STX17: variants seen among roughly 807,000 people sequenced by gnomAD.
STX17 encodes the protein syntaxin-17.
In STX17, 29 loss-of-function variants were observed where a neutral mutation model predicts 35.9. The observed-to-expected ratio is 0.81, with a 90% CI of 0.60 to 1.10. STX17 has a LOEUF of 1.10. STX17 is among the 50% of genes least tolerant of loss of function. The probability of loss-of-function intolerance (pLI) is 0.00; values close to 1 mark genes in which losing one functional copy is unlikely to be tolerated. For synonymous variants in STX17, 92 were observed against 118.3 expected (o/e 0.78, Z 1.44); for missense variants, 312 against 352.3 (o/e 0.89, Z 0.92).
chr9:99,968,456 C>T lies in STX17; in HGVS notation c.692C>T (p.Ala231Val), dbSNP rs770827074. 1 of 1,546,264 alleles carries T rather than the reference C, an allele frequency of 6.5e-7. No individual in the cohort carries two copies. Among genetic ancestry groups the T allele is most frequent in the Non-Finnish European group, 8.7e-7 (1 of 1,149,146 alleles). ...LGKAAKYKLA[A>V]LPVAGALIGG... ...CAGGCTGCAAAATACAAGCTGGCAGCTCTGCCTGTGGCAGGTGCACTCATC... is the reference window on the plus strand; with the variant it reads ...CAGGCTGCAAAATACAAGCTGGCAGTTCTGCCTGTGGCAGGTGCACTCATC... Residue 231 changes from alanine to valine, a missense_variant, in exon 8 of 8, where the codon GCT (alanine) becomes GTT (valine). Physicochemically the swap from Ala to Val is moderately conservative, Grantham distance 64. Coordinates refer to ENST00000259400, the MANE Select transcript of STX17 (RefSeq NM_017919.3).
Position 99,920,704 on chromosome 9 carries a change from A to G in STX17, c.123+5342A>G, listed in dbSNP as rs188289334. 1.3e-3 allele frequency among the ~76,000 whole-genome samples: 195 copies of G among 152,326 alleles called. 3 individuals are homozygous for G. Among genetic ancestry groups the G allele is most frequent in the Non-Finnish European group, 1.8e-4 (12 of 68,018 alleles). On this transcript the variant is annotated intron_variant, in intron 2 of 7. Transcript: ENST00000259400. ...GTAGTGCTGTTTAGCAATGCTTGTC[A>G]GGGATCTCAACTTAACTAAATTTGT...
At chr9:99,922,152 G>T (rs752459017) in intron 2 of STX17, among the ~76,000 whole-genome samples, 7 of 152,084 alleles carry the variant, frequency 4.6e-5, no homozygotes, top group African/African-American at 1.4e-4. Flanking sequence ...AGACCTTAAG[G>T]TTCATAGATT....
rs139682006 is a variant in STX17, at chr9:99,969,891, C to T, written c.*1218C>T. 1 of 152,694 alleles carries T rather than the reference C, an allele frequency of 6.5e-6. No homozygotes were observed. The highest frequency in any genetic ancestry group is 1.9e-4 in the East Asian group (1 of 5,186). 9.5% of individuals were successfully genotyped at this position (152,694 alleles called of 1,614,324 possible). ...ACAAAGACGCATGCAAGACTCAGAC[C>T]CGGGGAATGGTGTGGTGCTAATCTC... On this transcript the variant is annotated 3_prime_UTR_variant, in exon 8 of 8. Coordinates refer to ENST00000259400, the MANE Select transcript of STX17 (RefSeq NM_017919.3).
intron 6 of STX17, 165 bp from the exon 7 acceptor site, chr9:99,967,488 T>G: frequency 5.9e-6 from 2 of 337,812 alleles, no homozygotes; most frequent in Non-Finnish European, 1.1e-5. Context: ...TTTATGAAAG[T>G]TAATTTGTCC....
intron 1 of STX17, among the ~76,000 whole-genome samples, chr9:99,909,681 T>C (rs1483037657): frequency 6.6e-6 from 1 of 152,050 alleles, no homozygotes; most frequent in Non-Finnish European, 1.5e-5. Flanking sequence ...TACAAAAAAA[T>C]AGTGATAGAG....
rs572501999 is a variant in STX17 at position 99,925,613 on chromosome 9, T to G, written c.124-3165T>G. On this transcript the variant is annotated intron_variant, in intron 2 of 7. Transcript: ENST00000259400. ...ATTTTGCCTTATTTAAAAAACAACT[T>G]TCTCTGGGGATAGAATTCTAGGTTG... 7.9e-5 allele frequency among the ~76,000 whole-genome samples: 12 copies of G among 152,206 alleles called. No individual in the cohort carries two copies. The South Asian group carries it at 2.5e-3, about 32-fold the overall frequency.
intron 4 of STX17, among the ~76,000 whole-genome samples, chr9:99,959,286 T>C (rs1829780482): frequency 6.6e-6 from 1 of 152,028 alleles, no homozygotes; most frequent in African/African-American, 2.4e-5. Context: ...CTTACGCCTG[T>C]AATTCTAGCA....
intron 3 of STX17, among the ~76,000 whole-genome samples, chr9:99,932,471 T>A (rs1367896023): frequency 6.6e-6 from 1 of 152,184 alleles, no homozygotes; most frequent in African/African-American, 2.4e-5. Flanking sequence ...TTGTATATTC[T>A]GCAGCACCTG....
At chr9:99,926,797 C>A (rs1019809689) in intron 2 of STX17, among the ~76,000 whole-genome samples, 6 of 152,188 alleles carry the variant, frequency 3.9e-5, no homozygotes, top group South Asian at 2.1e-4. Flanking sequence ...TGCGCCCAGC[C>A]TTGAGTCTTT....
chr9:99,951,146 T>A lies in STX17; in HGVS notation c.276T>A (p.Asp92Glu). Reference protein sequence around the residue: ...DDLVLLKRMIDPVKEEASAAT... With the variant: ...DDLVLLKRMIEPVKEEASAAT... ...TAGTACTTCTGAAGAGAATGATAGA[T>A]CCTGTTAAAGAAGAAGCATCAGCAG... The change falls in exon 4 of 8, where the codon GAT (aspartate) becomes GAA (glutamate). Residue 92 changes from aspartate (D) to glutamate (E), a missense_variant. Physicochemically the swap from Asp to Glu is conservative, Grantham distance 45 (BLOSUM62 2). Transcript: ENST00000259400. 6.2e-7 allele frequency: 1 copy of A among 1,613,062 alleles called. No homozygotes were observed. Among genetic ancestry groups the A allele is most frequent in the Non-Finnish European group, 8.5e-7 (1 of 1,179,218 alleles).
Position 99,971,588 on chromosome 9 carries a change from C to T in STX17, c.*2915C>T, listed in dbSNP as rs1554703958. On this transcript the variant is annotated 3_prime_UTR_variant, in exon 8 of 8. Transcript: ENST00000259400. ...GCCAGGCACTTCACCAGGCATTTTA[C>T]AAGTAAGGAAACTGGGCTTCAGAGA... Among the ~76,000 whole-genome samples, 1 of 151,752 alleles carries T rather than the reference C, an allele frequency of 6.6e-6. No homozygotes were observed. Among genetic ancestry groups the T allele is most frequent in the Non-Finnish European group, 1.5e-5 (1 of 67,956 alleles).
intron 3 of STX17, among the ~76,000 whole-genome samples, chr9:99,932,831 G>A (rs1829152395): frequency 6.6e-6 from 1 of 151,920 alleles, no homozygotes; most frequent in Non-Finnish European, 1.5e-5. Context: ...AAGTTATTTT[G>A]GGACAAATAA....
chr9:99,971,344 A>G lies in STX17; in HGVS notation c.*2671A>G, dbSNP rs1343079059. 2.0e-5 allele frequency among the ~76,000 whole-genome samples: 3 copies of G among 152,112 alleles called. No homozygotes were observed. Among genetic ancestry groups the G allele is most frequent in the Admixed American group, 6.5e-5 (1 of 15,274 alleles). ...TTTCTCTGTAGAGCAGAGACTTTCAAACCTTTTGGCTGTAACCCACAGTAA... is the reference window on the plus strand; with the variant it reads ...TTTCTCTGTAGAGCAGAGACTTTCAGACCTTTTGGCTGTAACCCACAGTAA... On this transcript the variant is annotated 3_prime_UTR_variant, in exon 8 of 8. Coordinates refer to ENST00000259400, the MANE Select transcript of STX17 (RefSeq NM_017919.3).
chr9:99,923,624 G>T (rs548661352), intron 2 of STX17, among the ~76,000 whole-genome samples: 28 of 152,144 alleles, frequency 1.8e-4, no homozygotes, highest in Admixed American at 1.3e-3. Flanking sequence ...ATTCAATTCT[G>T]GTGCTGTCTA....
intron 1 of STX17, among the ~76,000 whole-genome samples, chr9:99,907,756 G>C (rs916550682): frequency 6.6e-6 from 1 of 152,044 alleles, no homozygotes; most frequent in African/African-American, 2.4e-5. Flanking sequence ...ACATACCATA[G>C]CGCAATTATC....
rs180880400 is a variant in STX17, at chr9:99,916,165, A to G, written c.123+803A>G. Reference sequence around the variant, plus strand: ...AGTACTGCCTAATTCAGTTGAGGAAATAGGTAAGGAGAAGATGAATTAGTC... The same window carrying G: ...AGTACTGCCTAATTCAGTTGAGGAAGTAGGTAAGGAGAAGATGAATTAGTC... On this transcript the variant is annotated intron_variant, in intron 2 of 7. Transcript: ENST00000259400. 35 of 436,744 alleles carry G rather than the reference A, an allele frequency of 8.0e-5. No individual in the cohort carries two copies. The Admixed American group carries it at 8.2e-4, about 10-fold the overall frequency. The allele number at this position is 436,744 out of a possible 1,614,324, so 27.1% of individuals were successfully genotyped here.
At chr9:99,911,912 T>C (rs1382505048) in intron 1 of STX17, among the ~76,000 whole-genome samples, 1 of 152,168 alleles carries the variant, frequency 6.6e-6, no homozygotes, top group Non-Finnish European at 1.5e-5. Flanking sequence ...CTAATTTACA[T>C]TCCCACCAAC....
chr9:99,949,466 T>C (rs927284008), intron 3 of STX17, among the ~76,000 whole-genome samples: 3 of 152,072 alleles, frequency 2.0e-5, no homozygotes, highest in African/African-American at 4.8e-5. Flanking sequence ...TATTATAGTT[T>C]AGTGGAAAGA....
At chr9:99,923,971 C>G (rs1828939560) in intron 2 of STX17, among the ~76,000 whole-genome samples, 1 of 152,142 alleles carries the variant, frequency 6.6e-6, no homozygotes, top group Non-Finnish European at 1.5e-5. Flanking sequence ...TGGAAGCTCT[C>G]TAAATTCTGT....
Sources: allele counts gnomAD v4.1 joint callset (sites outside exome capture counted in the v4.1 genomes callset), GRCh38; gene constraint gnomAD v4.1.1; transcripts MANE v1.5; gene names NCBI Gene and HGNC (gene_info 2026-07-23, HGNC 2026-07-21).